Variants in EMCN observed in about 807,000 individuals in gnomAD.
EMCN encodes MUC-14.
Under a neutral mutation model 38.4 loss-of-function variants are expected in EMCN, and 37 were observed. The ratio of observed to expected loss-of-function variants is 0.96; its 90% CI spans 0.74 to 1.27. The LOEUF is 1.27. EMCN is among the 50% of genes most tolerant of loss of function. The pLI, the probability that EMCN is intolerant of heterozygous loss-of-function variation, is 0.00. For synonymous variants in EMCN, 95 were observed against 100.8 expected, an observed-to-expected ratio of 0.94 and a Z score of 0.35; for missense variants, 318 against 302.8, an observed-to-expected ratio of 1.05 and a Z score of -0.37.
At chr4:100,444,882 CA>C (rs2110240218) in intron 5 of EMCN, among the ~76,000 whole-genome samples, 1 of 152,224 alleles carries the variant, frequency 6.6e-6, no homozygotes, top group East Asian at 1.9e-4. Flanking sequence ...CTCTGGGGAG[CA>C]CCCTCAGCTG....
At chr4:100,405,279 A>G (rs1343574400) in intron 11 of EMCN, among the ~76,000 whole-genome samples, 1 of 151,986 alleles carries the variant, frequency 6.6e-6, no homozygotes, top group African/African-American at 2.4e-5. Flanking sequence ...CTGGGCATCC[A>G]TGTTTTGTTA....
At chr4:100,471,278 A>T (rs1728469957) in intron 3 of EMCN, among the ~76,000 whole-genome samples, 2 of 151,944 alleles carry the variant, frequency 1.3e-5, no homozygotes, top group Non-Finnish European at 2.9e-5. Flanking sequence ...TACCAACCTT[A>T]CAGAAATTAG....
At chr4:100,417,759 A>C (rs1030706247) in intron 8 of EMCN, among the ~76,000 whole-genome samples, 2 of 152,162 alleles carry the variant, frequency 1.3e-5, no homozygotes, top group African/African-American at 2.4e-5. Context: ...TAGAGTGAGA[A>C]CTCAGAATGA....
chr4:100,433,716 A>G (rs549568240), intron 5 of EMCN, among the ~76,000 whole-genome samples: 22 of 151,986 alleles, frequency 1.4e-4, no homozygotes, highest in African/African-American at 5.3e-4. Flanking sequence ...TTGTATTTTT[A>G]GTAGGGACGG....
chr4:100,420,650 A>G (rs1225855333), intron 8 of EMCN, among the ~76,000 whole-genome samples: 1 of 152,058 alleles, frequency 6.6e-6, no homozygotes, highest in South Asian at 2.1e-4. Flanking sequence ...TTTAGTTAAC[A>G]ATAATTTATC....
chr4:100,434,746 A>T (rs753731811), intron 5 of EMCN, among the ~76,000 whole-genome samples: 3 of 152,238 alleles, frequency 2.0e-5, no homozygotes, highest in Non-Finnish European at 4.4e-5. Context: ...AATGTAATTC[A>T]TCACGTAAAC....
chr4:100,407,932 A>G (rs1726441219), intron 11 of EMCN, among the ~76,000 whole-genome samples: 1 of 151,898 alleles, frequency 6.6e-6, no homozygotes, highest in Non-Finnish European at 1.5e-5. Flanking sequence ...TGAAAATTCT[A>G]TTTTCTTTAT....
intron 2 of EMCN, 62 bp from the exon 3 acceptor site, chr4:100,475,171 T>G (rs1578218531): frequency 1.2e-6 from 1 of 840,904 alleles, no homozygotes; most frequent in Non-Finnish European, 1.8e-6. Flanking sequence ...TGTCAATAAA[T>G]AAAGTAAGTT....
At chr4:100,432,708 A>G (rs1348330229) in intron 5 of EMCN, among the ~76,000 whole-genome samples, 1 of 152,158 alleles carries the variant, frequency 6.6e-6, no homozygotes. Context: ...ACAGCTTTCT[A>G]TCACATACTA....
intron 5 of EMCN, among the ~76,000 whole-genome samples, chr4:100,446,572 A>C (rs1173927329): frequency 6.6e-6 from 1 of 152,048 alleles, no homozygotes; most frequent in African/African-American, 2.4e-5. Flanking sequence ...TCATATTTTT[A>C]GTTTATTTAT....
intron 2 of EMCN, among the ~76,000 whole-genome samples, chr4:100,476,335 G>C (rs191429274): frequency 1.8e-3 from 274 of 151,234 alleles, no homozygotes; most frequent in African/African-American, 6.3e-3. Flanking sequence ...CCAGGCTGGA[G>C]TCCAGTGGTA....
At chr4:100,482,860 A>T (rs777541712) in intron 1 of EMCN, among the ~76,000 whole-genome samples, 1 of 152,168 alleles carries the variant, frequency 6.6e-6, no homozygotes. Context: ...TGAAGTCATC[A>T]TGTGACATCA....
chr4:100,445,418 C>T (rs1433263), intron 5 of EMCN, among the ~76,000 whole-genome samples: 138,526 of 152,172 alleles, frequency 0.91, 63,085 homozygotes, highest in South Asian at 0.96. Flanking sequence ...GAAGTCGTTG[C>T]AAAAATGTAA....
rs1726100492 is a variant in EMCN, at chr4:100,395,599, C to G, written c.*2814G>C. The G allele has an allele frequency of 6.6e-6, 1 of 152,088 alleles. No homozygotes were observed. Among genetic ancestry groups the G allele is most frequent in the African/African-American group, 2.4e-5 (1 of 41,414 alleles). The allele number at this position is 152,088 out of a possible 1,614,324, so 9.4% of individuals were successfully genotyped here. ...TCATATTCACTTTTCCTTTCAACAT[C>G]ATAAAATCTTGAATGACCACAAGTA... On this transcript the variant is annotated 3_prime_UTR_variant, in exon 12 of 12. Coordinates refer to ENST00000296420, the MANE Select transcript of EMCN (RefSeq NM_016242.4).
At chr4:100,421,222 A>G (rs1238293995) in intron 8 of EMCN, 60 bp downstream of exon 8, 4 of 1,354,826 alleles carry the variant, frequency 3.0e-6, no homozygotes, top group African/African-American at 1.4e-5. Flanking sequence ...ATTTAAAATC[A>G]AGTTTAAACT....
At chr4:100,404,119 T>C (rs541231614) in intron 11 of EMCN, among the ~76,000 whole-genome samples, 2 of 151,910 alleles carry the variant, frequency 1.3e-5, no homozygotes, top group Non-Finnish European at 2.9e-5. Context: ...GCTTTTGGAG[T>C]CTTCATCATG....
chr4:100,400,347 G>A (rs529806615), intron 11 of EMCN, among the ~76,000 whole-genome samples: 1 of 132,302 alleles, frequency 7.6e-6, no homozygotes, highest in African/African-American at 2.8e-5. Context: ...TCTTCACCTA[G>A]GCCACATTTT....
At position 100,483,931 on chromosome 4, in the gene EMCN, C is replaced by T. The variant is rs187688646; in HGVS notation, c.65-3892G>A. 5.9e-5 allele frequency among the ~76,000 whole-genome samples: 9 copies of T among 152,128 alleles called. No homozygotes were observed. The East Asian group carries it at 1.4e-3, about 23-fold the overall frequency. ...TCAAAATGATTAAAGATAAATTTAA[C>T]AAGGCAAATTGAGCCTCATGACTTT... is the stretch of plus-strand genomic sequence containing the variant. On this transcript the variant is annotated intron_variant, in intron 1 of 11. Coordinates refer to ENST00000296420, the MANE Select transcript of EMCN (RefSeq NM_016242.4).
At chr4:100,504,161 C>T (rs1359259520) in intron 1 of EMCN, among the ~76,000 whole-genome samples, 1 of 152,172 alleles carries the variant, frequency 6.6e-6, no homozygotes, top group East Asian at 1.9e-4. Context: ...CCTCTTCCAT[C>T]CCCAAGGAGA....
Sources: gnomAD v4.1 joint callset for allele counts (sites outside exome capture counted in the v4.1 genomes callset) on GRCh38, gnomAD v4.1.1 for gene constraint, MANE v1.5 for transcripts, NCBI Gene and HGNC (gene_info 2026-07-23, HGNC 2026-07-21) for gene names.